BACH1: variants seen among roughly 807,000 people sequenced by gnomAD.
BACH1 encodes BTB domain and CNC homolog 1.
A neutral mutation model predicts 52.9 loss-of-function variants in BACH1; 35 were observed. That is an observed-to-expected ratio of 0.66 (90% CI 0.51 to 0.88). The LOEUF is 0.88. BACH1 is among the 40% of genes least tolerant of loss of function. The probability of loss-of-function intolerance (pLI) is 0.00; values close to 1 mark genes in which losing one functional copy is unlikely to be tolerated. For missense variants in BACH1, 808 were observed against 872.6 expected (o/e 0.93, Z 0.93); for synonymous variants, 321 against 319.6 (o/e 1.00, Z -0.05).
intron 2 of BACH1, among the ~76,000 whole-genome samples, chr21:29,324,530 G>A (rs1327144672): frequency 6.6e-6 from 1 of 150,436 alleles, no homozygotes; most frequent in African/African-American, 2.4e-5. Flanking sequence ...TTATTGCTGA[G>A]TAATATTCTG....
rs751446979 is a variant in BACH1, at chr21:29,326,215, T to C, written c.391T>C (p.Leu131=). ...SCFQFLKFKF[L]DSTADQQECP... ...CTTTCAGTTTCTGAAATTTAAGTTT[T>C]TGGACTCCACTGCAGACCAGCAAGA... Residue 131 remains leucine, a synonymous_variant, in exon 3 of 5, where the codon TTG becomes CTG. Transcript: ENST00000286800. 2.5e-6 allele frequency: 4 copies of C among 1,614,110 alleles called. No homozygotes were observed. The highest frequency in any genetic ancestry group is 1.3e-5 in the African/African-American group (1 of 74,940).
intron 1 of BACH1, among the ~76,000 whole-genome samples, chr21:29,304,183 T>A (rs2088630678): frequency 3.3e-5 from 5 of 151,094 alleles, no homozygotes. Context: ...TGGAGTGCAG[T>A]GGCGCGATCT....
At chr21:29,339,262 C>T (rs762323154) in intron 4 of BACH1, among the ~76,000 whole-genome samples, 1 of 152,202 alleles carries the variant, frequency 6.6e-6, no homozygotes, top group African/African-American at 2.4e-5. Context: ...TGTCTGTCCA[C>T]ACCCTCAGTC....
intron 4 of BACH1, among the ~76,000 whole-genome samples, chr21:29,331,546 T>G (rs1169257221): frequency 3.3e-5 from 5 of 152,232 alleles, no homozygotes; most frequent in African/African-American, 1.2e-4. Context: ...TTATTGATAT[T>G]GCTACTAAAT....
At chr21:29,358,770 A>AAAGAAAGAAAG (rs768723075) in intron 2 of BACH1, among the ~76,000 whole-genome samples, 198 of 108,966 alleles carry the variant, frequency 1.8e-3, no homozygotes, top group African/African-American at 6.2e-3. Context: ...AAAAGAAAAG[A>AAAGAAAGAAAG]AAAGAAAGAA....
At chr21:29,323,026 C>CAAATT (rs1768068613) in intron 2 of BACH1, among the ~76,000 whole-genome samples, 1 of 151,696 alleles carries the variant, frequency 6.6e-6, no homozygotes, top group African/African-American at 2.4e-5. Context: ...TTCATTCTTT[C>CAAATT]TAATGTGTAA....
chr21:29,317,861 T>C (rs763623538), intron 1 of BACH1, among the ~76,000 whole-genome samples: 3 of 152,138 alleles, frequency 2.0e-5, no homozygotes, highest in Non-Finnish European at 4.4e-5. Flanking sequence ...GAGGTGGTGT[T>C]TTCTCTACTT....
chr21:29,321,238 G>A lies in BACH1; in HGVS notation c.-43G>A, dbSNP rs1405958247. On this transcript the variant is annotated 5_prime_UTR_variant, in exon 2 of 5. Transcript: ENST00000286800. ...GTTTGCAGGTTGATGATAATTAGAAGCATGCTTTCCACTGAACTTCCCGAC... is the reference window on the plus strand; with the variant it reads ...GTTTGCAGGTTGATGATAATTAGAAACATGCTTTCCACTGAACTTCCCGAC... The A allele has an allele frequency of 8.7e-6, 13 of 1,493,058 alleles. No homozygotes were observed. The highest frequency in any genetic ancestry group is 1.1e-5 in the Non-Finnish European group (12 of 1,071,568). 92.5% of individuals were successfully genotyped at this position (1,493,058 alleles called of 1,614,324 possible).
At position 29,321,421 on chromosome 21, in the gene BACH1, T is replaced by G; in HGVS notation, c.141T>G (p.Ala47=). The change falls in exon 2 of 5, where the codon GCT becomes GCG. Residue 47 remains alanine (A), a synonymous_variant. Coordinates refer to ENST00000286800, the MANE Select transcript of BACH1 (RefSeq NM_001186.4). ...TIFVEGQRFR[A]HRSVLAACSS... ...TTGTGGAGGGACAGCGGTTCCGCGCTCACCGGTCCGTGCTGGCGGCATGCA... is the reference window on the plus strand; with the variant it reads ...TTGTGGAGGGACAGCGGTTCCGCGCGCACCGGTCCGTGCTGGCGGCATGCA... The G allele has an allele frequency of 6.2e-7, 1 of 1,614,218 alleles. No individual in the cohort carries two copies. Among genetic ancestry groups the G allele is most frequent in the Non-Finnish European group, 8.5e-7 (1 of 1,180,044 alleles).
chr21:29,354,380 A>C (rs1469208765), intron 2 of BACH1, among the ~76,000 whole-genome samples: 3 of 152,164 alleles, frequency 2.0e-5, no homozygotes, highest in African/African-American at 7.2e-5. Flanking sequence ...TGTGTTTCAC[A>C]GTTTGTTTTG....
At position 29,343,829 on chromosome 21, in the gene BACH1, C is replaced by T. The variant is rs1006242100; in HGVS notation, c.*996C>T. On this transcript the variant is annotated 3_prime_UTR_variant, in exon 5 of 5. Coordinates refer to ENST00000286800, the MANE Select transcript of BACH1 (RefSeq NM_001186.4). The stretch of plus-strand genomic sequence containing the variant: ...ATTTTTTTCACCCTGTTTTTGAAGT[C>T]GTATTATTCACTTGTAAAAATGATT... The T allele has an allele frequency of 1.3e-5, 2 of 152,078 alleles. No homozygotes were observed. Among genetic ancestry groups the T allele is most frequent in the African/African-American group, 2.4e-5 (1 of 41,406 alleles). 9.4% of individuals were successfully genotyped at this position (152,078 alleles called of 1,614,324 possible).
rs561613464 is a variant in BACH1, at chr21:29,346,062, A to G, written c.*3229A>G. On this transcript the variant is annotated 3_prime_UTR_variant, in exon 5 of 5. Transcript: ENST00000286800. ...ATTTACATTTCTCCCTAATGTTCTT[A>G]CCCAAATGTACCTGAACTAAAAAAT... is the stretch of plus-strand genomic sequence containing the variant. 5 of 152,728 alleles carry G rather than the reference A, an allele frequency of 3.3e-5. No individual in the cohort carries two copies. In the South Asian group the frequency reaches 1.0e-3, roughly 32 times the overall value. 9.5% of individuals were successfully genotyped at this position (152,728 alleles called of 1,614,324 possible).
chr21:29,337,952 CAAAAACAAAA>C (rs1163803023), intron 4 of BACH1, among the ~76,000 whole-genome samples: 7 of 151,656 alleles, frequency 4.6e-5, no homozygotes, highest in African/African-American at 1.5e-4. Flanking sequence ...AAAACAAAAA[CAAAAACAAAA>C]AAAACGAGTT....
In BACH1 at chr21:29,330,331, A is replaced by ATT. The variant is rs560475392; in HGVS notation, c.1776+647_1776+648dup. 7.5e-3 allele frequency among the ~76,000 whole-genome samples: 1,123 copies of ATT among 149,706 alleles called. 11 individuals are homozygous for ATT. The highest frequency in any genetic ancestry group is 0.014 in the South Asian group (67 of 4,704). ...AGGCGCCTGCCACTGCGCCTGGCTA[A>ATT]TTTTTTTTTTAATTTATTTTTTGTA... is the stretch of plus-strand genomic sequence containing the variant. On this transcript the variant is annotated intron_variant, in intron 4 of 4. Coordinates refer to ENST00000286800, the MANE Select transcript of BACH1 (RefSeq NM_001186.4).
chr21:29,329,300 CA>C (rs1009393392), intron 3 of BACH1, among the ~76,000 whole-genome samples, 186 bp from the exon 4 acceptor site: 18 of 151,774 alleles, frequency 1.2e-4, no homozygotes, highest in Non-Finnish European at 1.2e-4. Context: ...ACCCTGTCTC[CA>C]AAAAAATATG....
intron 1 of BACH1, among the ~76,000 whole-genome samples, chr21:29,308,380 T>C (rs1601339311): frequency 6.6e-6 from 1 of 152,202 alleles, no homozygotes; most frequent in Non-Finnish European, 1.5e-5. Context: ...CAGTTTAGTA[T>C]CTCTACTTGA....
intron 4 of BACH1, among the ~76,000 whole-genome samples, chr21:29,333,362 A>G (rs1354880906): frequency 1.3e-5 from 2 of 152,180 alleles, no homozygotes; most frequent in African/African-American, 4.8e-5. Flanking sequence ...ATGTGAACAG[A>G]TATTTGTGTA....
intron 4 of BACH1, among the ~76,000 whole-genome samples, chr21:29,331,986 C>T (rs1196812142): frequency 6.6e-6 from 1 of 152,108 alleles, no homozygotes; most frequent in Non-Finnish European, 1.5e-5. Context: ...CTGCAACTTC[C>T]GCTTCCCGGG....
At chr21:29,299,990 G>C (rs1375275167) in intron 1 of BACH1, 1 of 152,100 alleles carries the variant, frequency 6.6e-6, no homozygotes, top group Non-Finnish European at 1.5e-5. Flanking sequence ...ATAAAGGGTG[G>C]AAATCCCAGA....
Sources: gnomAD v4.1 joint callset for allele counts (sites outside exome capture counted in the v4.1 genomes callset) on GRCh38, gnomAD v4.1.1 for gene constraint, MANE v1.5 for transcripts, NCBI Gene and HGNC (gene_info 2026-07-23, HGNC 2026-07-21) for gene names.